The following ANTXR2 variants were observed in gnomAD, a reference collection of about 807,000 sequenced individuals.
The protein encoded by ANTXR2 is anthrax toxin receptor 2.
A neutral mutation model predicts 73.7 loss-of-function variants in ANTXR2; 44 were observed. The observed-to-expected ratio is 0.60, with a 90% CI of 0.47 to 0.77. The LOEUF (loss-of-function observed/expected upper bound fraction) is 0.77, where lower values mean the gene tolerates loss of function less well. Among genes scored for constraint, ANTXR2 ranks in the 30% least tolerant of loss-of-function variants. The pLI is 0.00. For synonymous variants in ANTXR2, 217 were observed against 205.9 expected (o/e 1.05, Z -0.46); for missense variants, 604 against 592.5 (o/e 1.02, Z -0.20).
At chr4:79,991,208 A>G (rs1256355125) in intron 12 of ANTXR2, among the ~76,000 whole-genome samples, 6 of 152,160 alleles carry the variant, frequency 3.9e-5, no homozygotes, top group Non-Finnish European at 8.8e-5. Flanking sequence ...TGCATCCAGT[A>G]AAGGTCTAAT....
At chr4:79,923,544 A>G (rs1727668284) in intron 16 of ANTXR2, among the ~76,000 whole-genome samples, 1 of 152,112 alleles carries the variant, frequency 6.6e-6, no homozygotes, top group Non-Finnish European at 1.5e-5. Flanking sequence ...GAGAAAGCAG[A>G]TGGTAGGAAG....
intron 12 of ANTXR2, among the ~76,000 whole-genome samples, chr4:80,004,296 T>C (rs1731199653): frequency 1.3e-5 from 2 of 152,030 alleles, no homozygotes; most frequent in Non-Finnish European, 2.9e-5. Flanking sequence ...TCTGAAAACA[T>C]AAAAATTCCC....
At chr4:80,023,945 G>A (rs1732296732) in intron 10 of ANTXR2, among the ~76,000 whole-genome samples, 4 of 152,192 alleles carry the variant, frequency 2.6e-5, no homozygotes, top group Admixed American at 2.6e-4. Flanking sequence ...TTAGAAATGT[G>A]TTTTACAAAT....
Position 79,978,110 on chromosome 4 carries a change from A to G in ANTXR2, c.1244T>C (p.Val415Ala), listed in dbSNP as rs776839589. The G allele has an allele frequency of 1.2e-6, 2 of 1,613,898 alleles. No homozygotes were observed. Among genetic ancestry groups the G allele is most frequent in the Admixed American group, 1.7e-5 (1 of 59,996 alleles). ...CTCTGTTTCTTCAGGAATCTTCACC[A>G]CAGCATTTTTGGCTTTCTCTAGCCT... The part of the protein sequence containing the change: ...GARLEKAKNA[V>A]VKIPEETEEP... The change falls in exon 15 of 17, where the codon GTG (valine) becomes GCG (alanine). Residue 415 changes from valine (V) to alanine (A), a missense_variant. By Grantham distance (64) the Val-to-Ala change is moderately conservative (BLOSUM62 0). Transcript: ENST00000403729.
At chr4:79,955,417 A>G (rs1455051970) in intron 16 of ANTXR2, among the ~76,000 whole-genome samples, 1 of 152,130 alleles carries the variant, frequency 6.6e-6, no homozygotes, top group Non-Finnish European at 1.5e-5. Flanking sequence ...AACTTGTAAA[A>G]TATTTATTTA....
intron 16 of ANTXR2, among the ~76,000 whole-genome samples, chr4:79,925,128 T>C (rs1401611028): frequency 6.6e-6 from 1 of 152,128 alleles, no homozygotes; most frequent in Non-Finnish European, 1.5e-5. Context: ...AATAAAATAT[T>C]CTTGTGCTGG....
intron 12 of ANTXR2, among the ~76,000 whole-genome samples, chr4:79,989,678 A>G (rs911025707): frequency 6.6e-6 from 1 of 152,124 alleles, no homozygotes; most frequent in Non-Finnish European, 1.5e-5. Flanking sequence ...AGATACAATG[A>G]AAAAAGAAAA....
intron 3 of ANTXR2, among the ~76,000 whole-genome samples, chr4:80,056,281 A>G (rs1268201602): frequency 2.6e-5 from 4 of 151,928 alleles, no homozygotes; most frequent in Non-Finnish European, 5.9e-5. Context: ...TTCTGAGCTG[A>G]GAACAGATAT....
chr4:80,046,189 A>G (rs1411577733), intron 7 of ANTXR2, among the ~76,000 whole-genome samples: 1 of 151,814 alleles, frequency 6.6e-6, no homozygotes, highest in Non-Finnish European at 1.5e-5. Context: ...TTGTTGATGA[A>G]CATACTCTCA....
intron 16 of ANTXR2, among the ~76,000 whole-genome samples, chr4:79,960,392 C>T (rs556744286): frequency 9.2e-5 from 14 of 152,152 alleles, no homozygotes; most frequent in African/African-American, 3.4e-4. Flanking sequence ...TATCTTTCTG[C>T]CACATTTTCC....
In ANTXR2 at chr4:80,008,544, A is replaced by G. The variant is rs760357727; in HGVS notation, c.1018T>C (p.Phe340Leu). Residue 340 changes from phenylalanine (F) to leucine (L), a missense_variant, in exon 12 of 17, where the codon TTT (phenylalanine) becomes CTT (leucine). Physicochemically the swap from Phe to Leu is conservative, Grantham distance 22. Coordinates refer to ENST00000403729, the MANE Select transcript of ANTXR2 (RefSeq NM_058172.6). ...LLLGIGLMWW[F>L]WPLCCKVVIK... ...ACCACTTTGCAGCAAAGGGGCCAAA[A>G]CCACCACATCAAACCGATCCCCAGG... 6.2e-7 allele frequency: 1 copy of G among 1,609,202 alleles called. No individual in the cohort carries two copies. The highest frequency in any genetic ancestry group is 8.5e-7 in the Non-Finnish European group (1 of 1,178,064).
At chr4:79,936,110 T>C (rs1273456080) in intron 16 of ANTXR2, among the ~76,000 whole-genome samples, 2 of 152,208 alleles carry the variant, frequency 1.3e-5, no homozygotes, top group Admixed American at 6.5e-5. Context: ...AATTTTGAGA[T>C]ATTATTCATA....
chr4:80,027,750 G>A (rs886357157), intron 10 of ANTXR2, among the ~76,000 whole-genome samples: 3 of 152,054 alleles, frequency 2.0e-5, no homozygotes, highest in African/African-American at 7.2e-5. Context: ...AATTTGCTCT[G>A]TTCTTCTTGC....
chr4:79,961,893 T>C (rs1490049058), intron 16 of ANTXR2, among the ~76,000 whole-genome samples: 5 of 152,158 alleles, frequency 3.3e-5, no homozygotes, highest in African/African-American at 1.2e-4. Flanking sequence ...AAGATAAATA[T>C]TTATCTAAAC....
chr4:79,955,817 G>C (rs1728866056), intron 16 of ANTXR2, among the ~76,000 whole-genome samples: 1 of 152,244 alleles, frequency 6.6e-6, no homozygotes, highest in African/African-American at 2.4e-5. Context: ...CCAATGCAGT[G>C]TTCTTTCCAA....
At chr4:79,973,552 T>C (rs10003491) in intron 16 of ANTXR2, among the ~76,000 whole-genome samples, 73,448 of 151,638 alleles carry the variant, frequency 0.48, 20,144 homozygotes, top group East Asian at 0.92. Flanking sequence ...CTCAGCCTCC[T>C]GAGTAGCTGG....
At chr4:80,018,131 G>A (rs982139273) in intron 11 of ANTXR2, among the ~76,000 whole-genome samples, 2 of 152,080 alleles carry the variant, frequency 1.3e-5, no homozygotes, top group Non-Finnish European at 2.9e-5. Context: ...AAATGTTTAG[G>A]TTTAGGATTT....
At chr4:80,012,966 G>A (rs1731668685) in intron 11 of ANTXR2, among the ~76,000 whole-genome samples, 1 of 152,184 alleles carries the variant, frequency 6.6e-6, no homozygotes, top group African/African-American at 2.4e-5. Context: ...GCTAAATGAA[G>A]CCATAAAGGA....
chr4:79,964,975 A>G (rs939919191), intron 16 of ANTXR2: 46 of 152,336 alleles, frequency 3.0e-4, no homozygotes, highest in African/African-American at 1.0e-3. Flanking sequence ...AGAGGGCCCG[A>G]GCGGGAGACT....
Sources: allele counts gnomAD v4.1 joint callset (sites outside exome capture counted in the v4.1 genomes callset), GRCh38; gene constraint gnomAD v4.1.1; transcripts MANE v1.5; gene names NCBI Gene and HGNC (gene_info 2026-07-23, HGNC 2026-07-21).